PAK6: variants seen among roughly 807,000 people sequenced by gnomAD.
The protein encoded by PAK6 is p21 (RAC1) activated kinase 6.
PAK6 carries 33 observed loss-of-function variants against 60.8 expected under a neutral mutation model. The observed-to-expected ratio is 0.54, with a 90% CI of 0.41 to 0.73. PAK6 has a LOEUF of 0.73. PAK6 is among the 30% of genes least tolerant of loss of function. PAK6 has a pLI of 0.00. For synonymous variants in PAK6, 404 were observed against 378.5 expected (o/e 1.07, Z -0.78); for missense variants, 845 against 904.1 (o/e 0.93, Z 0.84).
intron 3 of PAK6, among the ~76,000 whole-genome samples, chr15:40,255,732 A>C (rs568685177): frequency 9.0e-4 from 137 of 152,294 alleles, no homozygotes; most frequent in Non-Finnish European, 1.7e-3. Flanking sequence ...TCAGCTCCAC[A>C]CAAGGATCAG....
intron 3 of PAK6, among the ~76,000 whole-genome samples, chr15:40,264,247 ATAACTT>A (rs1268077714): frequency 6.6e-6 from 1 of 152,210 alleles, no homozygotes; most frequent in East Asian, 1.9e-4. Flanking sequence ...CAACAAAAAA[ATAACTT>A]TAATATACTG....
intron 3 of PAK6, among the ~76,000 whole-genome samples, chr15:40,257,758 A>G (rs1313938110): frequency 2.6e-5 from 4 of 152,006 alleles, no homozygotes; most frequent in African/African-American, 9.7e-5. Context: ...GGCCTGGCCC[A>G]TGGATGTCTC....
At chr15:40,267,275 T>C (rs1004873311) in intron 5 of PAK6, among the ~76,000 whole-genome samples, 1 of 151,742 alleles carries the variant, frequency 6.6e-6, no homozygotes, top group Non-Finnish European at 1.5e-5. Context: ...GTGGGGTGAG[T>C]GTGGCCCAGC....
chr15:40,268,243 C>T (rs937562704), intron 5 of PAK6, among the ~76,000 whole-genome samples: 6 of 152,152 alleles, frequency 3.9e-5, no homozygotes, highest in Non-Finnish European at 5.9e-5. Context: ...GCTGAGACCC[C>T]CCGAGCTGCT....
At chr15:40,252,795 G>T in intron 2 of PAK6, 1 of 1,298,940 alleles carries the variant, frequency 7.7e-7, no homozygotes. Flanking sequence ...GGGACCAGCC[G>T]GCGCCAGGCG....
At chr15:40,267,614 G>C (rs941496335) in intron 5 of PAK6, among the ~76,000 whole-genome samples, 1 of 152,130 alleles carries the variant, frequency 6.6e-6, no homozygotes, top group Non-Finnish European at 1.5e-5. Context: ...AGCTGAGATC[G>C]CACCACTGCA....
exon 10 of PAK6, chr15:40,274,234 G>C (rs201804704): frequency 2.8e-5 from 45 of 1,613,000 alleles, no homozygotes; most frequent in Non-Finnish European, 3.7e-5. Context: ...CCATGAAGAG[G>C]CTCCGGGACA....
At chr15:40,249,082 A>G (rs2038584547) in intron 2 of PAK6, among the ~76,000 whole-genome samples, 1 of 152,208 alleles carries the variant, frequency 6.6e-6, no homozygotes, top group Non-Finnish European at 1.5e-5. Context: ...GTGTCTGGTG[A>G]GGGCCTGCTT....
intron 2 of PAK6, among the ~76,000 whole-genome samples, chr15:40,247,545 G>C (rs566067043): frequency 5.3e-5 from 8 of 152,168 alleles, no homozygotes; most frequent in Non-Finnish European, 1.2e-4. Flanking sequence ...CCCAGTGTCA[G>C]CTTGTGTTTG....
chr15:40,273,911 T>A (rs1257705073), intron 9 of PAK6: 1 of 668,356 alleles, frequency 1.5e-6, no homozygotes, highest in Non-Finnish European at 2.5e-6. Flanking sequence ...TGGCCGGGCC[T>A]CCTATGTATG....
At chr15:40,241,239 C>T (rs546439385) in intron 2 of PAK6, among the ~76,000 whole-genome samples, 41 of 152,282 alleles carry the variant, frequency 2.7e-4, no homozygotes, top group African/African-American at 7.2e-4. Context: ...CCAGTGAGCT[C>T]GGGTTTATAA....
chr15:40,260,951 T>C (rs1461873019), intron 3 of PAK6, among the ~76,000 whole-genome samples: 1 of 151,704 alleles, frequency 6.6e-6, no homozygotes, highest in East Asian at 2.0e-4. Context: ...TGCAGTGGCC[T>C]GATCTCAGCT....
chr15:40,256,121 C>A (rs1196593128), intron 3 of PAK6, among the ~76,000 whole-genome samples: 1 of 152,056 alleles, frequency 6.6e-6, no homozygotes, highest in African/African-American at 2.4e-5. Context: ...ACCACTCAAG[C>A]GACTGAGGTG....
Position 40,252,033 on chromosome 15 carries a change from G to C in PAK6, c.-117-1145G>C, listed in dbSNP as rs2038683622. ...TCCTCAGGACTCAGGACTGCGCAAG[G>C]GCTGACAAGGGAACTGGAATCCCTT... is the stretch of plus-strand genomic sequence containing the variant. On this transcript the variant is annotated intron_variant, in intron 2 of 10. Transcript: ENST00000560346. The C allele has an allele frequency of 4.6e-5, 11 of 240,762 alleles. No homozygotes were observed. The South Asian group carries it at 5.0e-4, about 11-fold the overall frequency. 14.9% of individuals were successfully genotyped at this position (240,762 alleles called of 1,614,324 possible). A position where few individuals can be genotyped will look rare whatever the true frequency, so the allele number is the denominator to read the frequency against.
At position 40,240,316 on chromosome 15, in the gene PAK6, G is replaced by A. The variant is rs34268290; in HGVS notation, c.-200-283G>A. 4.4e-3 allele frequency among the ~76,000 whole-genome samples: 668 copies of A among 152,314 alleles called. 3 individuals carry two copies. The highest frequency in any genetic ancestry group is 0.015 in the African/African-American group (626 of 41,560). On this transcript the variant is annotated intron_variant, in intron 1 of 10. Transcript: ENST00000560346. ...GTGAGAAGGGTGCTGGCCAGGGTAC[G>A]GCTTCCCCATGATCAGGACCCAGCG...
chr15:40,266,664 T>G (rs908952262), intron 5 of PAK6, 169 bp downstream of exon 5: 11 of 538,384 alleles, frequency 2.0e-5, no homozygotes, highest in African/African-American at 5.8e-5. Context: ...GTGGCTCGCC[T>G]CCTCCTTCCC....
Position 40,274,867 on chromosome 15 carries a change from G to A in PAK6, c.1878+591G>A, listed in dbSNP as rs369041210. On this transcript the variant is annotated intron_variant, in intron 10 of 10. Coordinates refer to ENST00000560346, the Ensembl canonical transcript of PAK6. ...ACGCCCCCTGCTGGCAGGTCAGCAC[G>A]GGGCTGCTAAGTGGCACCGCCATCT... is the stretch of plus-strand genomic sequence containing the variant. Among the ~76,000 whole-genome samples, 304 of 152,298 alleles carry A rather than the reference G, an allele frequency of 2.0e-3. 2 individuals are homozygous for A. The highest frequency in any genetic ancestry group is 7.1e-3 in the African/African-American group (296 of 41,550).
Position 40,273,548 on chromosome 15 carries a change from C to T in PAK6, c.1618-3C>T, listed in dbSNP as rs1363225536. ...CCACCACTCACTCCCTTTTCAACCG[C>T]AGGTGAAGCTCTCGGACTTCGGATT... On this transcript the variant is annotated splice_region_variant and splice_polypyrimidine_tract_variant and intron_variant, in intron 8 of 10. Coordinates refer to ENST00000560346, the Ensembl canonical transcript of PAK6. 8 of 1,613,968 alleles carry T rather than the reference C, an allele frequency of 5.0e-6. No homozygotes were observed. Among genetic ancestry groups the T allele is most frequent in the South Asian group, 1.1e-5 (1 of 91,086 alleles).
chr15:40,242,039 A>AG (rs1041449116), intron 2 of PAK6, among the ~76,000 whole-genome samples: 2 of 131,436 alleles, frequency 1.5e-5, no homozygotes, highest in South Asian at 2.3e-4. Context: ...TTGGGGTCAG[A>AG]GGGGCGGAGG....
Sources: allele counts gnomAD v4.1 joint callset (sites outside exome capture counted in the v4.1 genomes callset), GRCh38; gene constraint gnomAD v4.1.1; transcripts MANE v1.5; gene names NCBI Gene and HGNC (gene_info 2026-07-23, HGNC 2026-07-21).